The following CERKL variants were observed in gnomAD, a reference collection of about 807,000 sequenced individuals.
CERKL encodes the protein ceramide kinase-like protein.
In CERKL, 61 loss-of-function variants were observed where a neutral mutation model predicts 63.4. The observed-to-expected ratio is 0.96, with a 90% confidence interval of 0.78 to 1.19. The LOEUF is 1.19. Ranked by LOEUF, CERKL falls within the 50% of genes most tolerant of loss-of-function variation. The pLI is 0.00. For missense variants in CERKL, 675 were observed against 655.5 expected (o/e 1.03, Z -0.33); for synonymous variants, 250 against 230.5 (o/e 1.08, Z -0.77).
Position 181,538,046 on chromosome 2 carries a change from A to ACCATTCCCC in CERKL, c.*129_*137dup, listed in dbSNP as rs776939025. ...CTGAGGTGGAACAGTTCATCCTGAA[A>ACCATTCCCC]CCATTCCCCCATCCACGGAAAAATT... On this transcript the variant is annotated 3_prime_UTR_variant, in exon 13 of 13. Transcript: ENST00000410087. The ACCATTCCCC allele has an allele frequency of 4.4e-5, 31 of 703,400 alleles. No individual in the cohort carries two copies. In the African/African-American group the frequency reaches 4.9e-4, roughly 11 times the overall value. 43.6% of individuals were successfully genotyped at this position (703,400 alleles called of 1,614,324 possible). A position where few individuals can be genotyped will look rare whatever the true frequency, so the allele number is the denominator to read the frequency against.
At chr2:181,654,129 T>A (rs1229305733) in intron 1 of CERKL, among the ~76,000 whole-genome samples, 1 of 151,950 alleles carries the variant, frequency 6.6e-6, no homozygotes, top group Non-Finnish European at 1.5e-5. Flanking sequence ...ATGCATAACT[T>A]TATATCACAC....
intron 12 of CERKL, 79 bp from the exon 13 acceptor site, chr2:181,538,323 A>C (rs1393061223): frequency 8.9e-6 from 7 of 788,564 alleles, no homozygotes; most frequent in Non-Finnish European, 1.5e-5. Context: ...ACACAATGCC[A>C]ATGCCAAATA....
chr2:181,646,980 G>T (rs916812611), intron 1 of CERKL, among the ~76,000 whole-genome samples: 2 of 152,202 alleles, frequency 1.3e-5, no homozygotes, highest in African/African-American at 4.8e-5. Flanking sequence ...AAAGAGAAAA[G>T]CTTGTAGGAT....
chr2:181,612,114 G>A (rs753274137), intron 1 of CERKL, among the ~76,000 whole-genome samples: 22 of 152,142 alleles, frequency 1.4e-4, no homozygotes, highest in Admixed American at 1.2e-3. Context: ...AAGACGGAAT[G>A]TAAGTAACTT....
chr2:181,651,780 C>T (rs540086806), intron 1 of CERKL, among the ~76,000 whole-genome samples: 2 of 150,416 alleles, frequency 1.3e-5, no homozygotes, highest in Non-Finnish European at 3.0e-5. Context: ...CCAAAATGCT[C>T]CACAAAAGAA....
At chr2:181,559,172 C>T (rs1439740084) in intron 4 of CERKL, among the ~76,000 whole-genome samples, 1 of 152,092 alleles carries the variant, frequency 6.6e-6, no homozygotes, top group African/African-American at 2.4e-5. Context: ...CTTTAAGAAA[C>T]TGCTAATTAT....
chr2:181,562,318 G>A (rs1033841925), intron 4 of CERKL, among the ~76,000 whole-genome samples: 1 of 152,108 alleles, frequency 6.6e-6, no homozygotes, highest in Non-Finnish European at 1.5e-5. Flanking sequence ...TTATGTCTTT[G>A]GCTATAACTT....
chr2:181,539,272 TAAATAC>T lies in CERKL; in HGVS notation c.1366-14_1366-9del. 1 of 1,524,304 alleles carries T rather than the reference TAAATAC, an allele frequency of 6.6e-7. No individual in the cohort carries two copies. Among genetic ancestry groups the T allele is most frequent in the Non-Finnish European group, 9.1e-7 (1 of 1,099,220 alleles). The allele number at this position is 1,524,304 out of a possible 1,614,324, so 94.4% of individuals were successfully genotyped here. A position where few individuals can be genotyped will look rare whatever the true frequency, so the allele number is the denominator to read the frequency against. Reference sequence around the variant, plus strand: ...AACAAATGGAAAATTGAACTAAAAATAAATACAAATAATCATTATACTTGGTTTATC... The same window carrying T: ...AACAAATGGAAAATTGAACTAAAAATAAATAATCATTATACTTGGTTTATC... On this transcript the variant is annotated splice_polypyrimidine_tract_variant and intron_variant, in intron 11 of 12. Coordinates refer to ENST00000410087, the MANE Select transcript of CERKL (RefSeq NM_201548.5).
In CERKL at chr2:181,536,770, T is replaced by TC. The variant is rs1687131032; in HGVS notation, c.*1413dup. On this transcript the variant is annotated 3_prime_UTR_variant, in exon 13 of 13. Coordinates refer to ENST00000410087, the MANE Select transcript of CERKL (RefSeq NM_201548.5). ...TTTTAAAAAATTTCTTTAAATACAATCATTTTTGTAATATTTATTTTATGC... is the reference window on the plus strand; with the variant it reads ...TTTTAAAAAATTTCTTTAAATACAATCCATTTTTGTAATATTTATTTTATGC... 1 of 247,872 alleles carries TC rather than the reference T, an allele frequency of 4.0e-6. No homozygotes were observed. Among genetic ancestry groups the TC allele is most frequent in the Non-Finnish European group, 8.1e-6 (1 of 123,202 alleles). 15.4% of individuals were successfully genotyped at this position (247,872 alleles called of 1,614,324 possible). A position where few individuals can be genotyped will look rare whatever the true frequency, so the allele number is the denominator to read the frequency against.
chr2:181,594,145 G>A (rs1043243401), intron 2 of CERKL, among the ~76,000 whole-genome samples: 13 of 152,174 alleles, frequency 8.5e-5, no homozygotes, highest in Non-Finnish European at 7.3e-5. Context: ...ACTGAGCTAT[G>A]CAGTGTGCCA....
At chr2:181,582,535 A>G (rs60970057) in intron 2 of CERKL, among the ~76,000 whole-genome samples, 43 of 123,520 alleles carry the variant, frequency 3.5e-4, no homozygotes, top group East Asian at 1.2e-3. Flanking sequence ...ATATATATAT[A>G]TGTTTTTTTT....
In CERKL at chr2:181,593,818, C is replaced by T. The variant is rs1380071791; in HGVS notation, c.481+10019G>A. Among the ~76,000 whole-genome samples the T allele has an allele frequency of 7.3e-5, 11 of 150,496 alleles. No homozygotes were observed. In the East Asian group the frequency reaches 2.1e-3, roughly 29 times the overall value. On this transcript the variant is annotated intron_variant, in intron 2 of 12. Transcript: ENST00000410087. ...TACTTGACAATAATATACTTAGTCC[C>T]AAATACACAGCATAGTCAGTTATAC...
chr2:181,538,352 A>C, intron 12 of CERKL, 108 bp from the exon 13 acceptor site: 1 of 671,962 alleles, frequency 1.5e-6, no homozygotes, highest in East Asian at 2.6e-5. Flanking sequence ...TAACAAACAC[A>C]GCATTCCCAA....
intron 2 of CERKL, 131 bp from the exon 3 acceptor site, chr2:181,574,015 T>C: frequency 1.2e-6 from 1 of 826,752 alleles, no homozygotes; most frequent in Non-Finnish European, 1.9e-6. Flanking sequence ...TTATTTGAAA[T>C]TCTTGCAAGA....
At position 181,549,728 on chromosome 2, in the gene CERKL, A is replaced by G; in HGVS notation, c.821-20T>C. On this transcript the variant is annotated intron_variant, in intron 5 of 12. Coordinates refer to ENST00000410087, the MANE Select transcript of CERKL (RefSeq NM_201548.5). Reference sequence around the variant, plus strand: ...TAGATCCTGCCAAAGCAATTTTAAAACATGCACTATTAGGGTAGAATGTGT... The same window carrying G: ...TAGATCCTGCCAAAGCAATTTTAAAGCATGCACTATTAGGGTAGAATGTGT... 1.3e-6 allele frequency: 2 copies of G among 1,531,830 alleles called. No individual in the cohort carries two copies. The highest frequency in any genetic ancestry group is 1.8e-6 in the Non-Finnish European group (2 of 1,105,270). The allele number at this position is 1,531,830 out of a possible 1,614,324, so 94.9% of individuals were successfully genotyped here. A position where few individuals can be genotyped will look rare whatever the true frequency, so the allele number is the denominator to read the frequency against.
In CERKL at chr2:181,550,376, C is replaced by T. The variant is rs902941931; in HGVS notation, c.821-668G>A. Among the ~76,000 whole-genome samples, 2 of 152,122 alleles carry T rather than the reference C, an allele frequency of 1.3e-5. No individual in the cohort carries two copies. Among genetic ancestry groups the T allele is most frequent in the African/African-American group, 4.8e-5 (2 of 41,438 alleles). ...TTAAGACACACCTGGATTTTCCCCA[C>T]CAGTCCACAGAGGCAAAGAGCGCCC... On this transcript the variant is annotated intron_variant, in intron 5 of 12. Coordinates refer to ENST00000410087, the MANE Select transcript of CERKL (RefSeq NM_201548.5). The surrounding 1 kb of genome is among the most constrained non-coding windows in gnomAD (Gnocchi z 4.5).
chr2:181,593,468 A>C (rs1029604608), intron 2 of CERKL, among the ~76,000 whole-genome samples: 1 of 152,144 alleles, frequency 6.6e-6, no homozygotes, highest in African/African-American at 2.4e-5. Context: ...TGCAAAATGA[A>C]AATTTTTATT....
intron 3 of CERKL, among the ~76,000 whole-genome samples, chr2:181,569,240 T>G (rs1688799358): frequency 6.6e-6 from 1 of 152,158 alleles, no homozygotes; most frequent in Admixed American, 6.6e-5. Context: ...AAAAAGAATC[T>G]TTTACACAGA....
intron 2 of CERKL, among the ~76,000 whole-genome samples, chr2:181,590,890 CAT>C (rs1231588035): frequency 6.6e-6 from 1 of 152,164 alleles, no homozygotes; most frequent in African/African-American, 2.4e-5. Flanking sequence ...CAAAACTACA[CAT>C]GTGCTTAACC....
Sources: allele counts gnomAD v4.1 joint callset (sites outside exome capture counted in the v4.1 genomes callset), GRCh38; gene constraint gnomAD v4.1.1; non-coding constraint Gnocchi (gnomAD v3.1); transcripts MANE v1.5; gene names NCBI Gene and HGNC (gene_info 2026-07-23, HGNC 2026-07-21).